The following AEBP1 variants were observed in gnomAD, a reference collection of about 807,000 sequenced individuals.
AEBP1 encodes the protein adipocyte enhancer-binding protein 1.
AEBP1 carries 69 observed loss-of-function variants against 116.5 expected under a neutral mutation model. That is an observed-to-expected ratio of 0.59 (90% CI 0.49 to 0.72). The LOEUF is 0.72. Among genes scored for constraint, AEBP1 ranks in the 30% least tolerant of loss-of-function variants. AEBP1 has a pLI of 0.00. For synonymous variants in AEBP1, 627 were observed against 627.3 expected (o/e 1.00, Z 0.01); for missense variants, 1,444 against 1,557.5 (o/e 0.93, Z 1.23).
In AEBP1 at chr7:44,108,898, G is replaced by A; in HGVS notation, c.941-1G>A. ...CCTCAGCTGGCTCTCCCTCCCCATA[G>A]TGGACTATTACTTTGGGCCTCCTCC... On this transcript the variant is annotated splice_acceptor_variant, in intron 6 of 20. Coordinates refer to ENST00000223357, the MANE Select transcript of AEBP1 (RefSeq NM_001129.5). LOFTEE classifies it high-confidence loss of function. The surrounding 1 kb of genome is among the most constrained non-coding windows in gnomAD (Gnocchi z 5.0). The A allele has an allele frequency of 6.3e-7, 1 of 1,575,646 alleles. No homozygotes were observed. The highest frequency in any genetic ancestry group is 8.6e-7 in the Non-Finnish European group (1 of 1,161,500).
In AEBP1 at chr7:44,112,985, G is replaced by C; in HGVS notation, c.2570-6G>C. ...TGACTTTGGGTCTGTATCTGTCCCC[G>C]GCCAGCTATCAATGACTTCAGTTAC... On this transcript the variant is annotated splice_polypyrimidine_tract_variant and splice_region_variant and intron_variant, in intron 18 of 20. Transcript: ENST00000223357. The surrounding 1 kb of genome is among the most constrained non-coding windows in gnomAD (Gnocchi z 6.6). 1.2e-6 allele frequency: 2 copies of C among 1,613,956 alleles called. No individual in the cohort carries two copies. Among genetic ancestry groups the C allele is most frequent in the Non-Finnish European group, 1.7e-6 (2 of 1,179,958 alleles).
Position 44,112,689 on chromosome 7 carries a change from G to A in AEBP1, c.2349G>A (p.Gln783=). The A allele has an allele frequency of 6.2e-7, 1 of 1,613,252 alleles. No homozygotes were observed. The change falls in exon 18 of 21, where the codon CAG becomes CAA. Residue 783 remains glutamine (Q), a synonymous_variant. Coordinates refer to ENST00000223357, the MANE Select transcript of AEBP1 (RefSeq NM_001129.5). The surrounding 1 kb of genome is among the most constrained non-coding windows in gnomAD (Gnocchi z 6.6). ...TGGCCCGCACGCCTACCCAGGAGCA[G>A]CTGCTGGCCGCAGCCATGGCAGCAG... ...YDMARTPTQE[Q]LLAAAMAAAR... is the part of the protein sequence containing the mutation.
At chr7:44,110,444 C>T in intron 11 of AEBP1, 98 bp downstream of exon 11, 1 of 1,555,514 alleles carries the variant, frequency 6.4e-7, no homozygotes. Flanking sequence ...CCTTCTTTGG[C>T]CCAGCCAAAG....
chr7:44,107,507 C>T lies in AEBP1; in HGVS notation c.664C>T (p.Pro222Ser). 6.2e-7 allele frequency: 1 copy of T among 1,613,490 alleles called. No homozygotes were observed. The highest frequency in any genetic ancestry group is 1.3e-5 in the African/African-American group (1 of 75,042). ...ETHVEAREHQ[P>S]EPEEETEQPT... The stretch of plus-strand genomic sequence containing the variant: ...CCATGTGGAGGCACGGGAGCACCAG[C>T]CTGGTGAGTGGCCGTCATCCGCCTG... The change falls in exon 3 of 21, where the codon CCT (proline) becomes TCT (serine). Residue 222 changes from proline (P) to serine (S), a missense_variant. Physicochemically the swap from Pro to Ser is moderately conservative, Grantham distance 74 (BLOSUM62 -1). Transcript: ENST00000223357. The surrounding 1 kb of genome is among the most constrained non-coding windows in gnomAD (Gnocchi z 4.3).
chr7:44,109,428 C>T, intron 9 of AEBP1, 87 bp downstream of exon 9: 1 of 1,373,130 alleles, frequency 7.3e-7, no homozygotes, highest in Non-Finnish European at 9.7e-7. Context: ...ACAAACAGGA[C>T]CCAGGTCCCC....
chr7:44,111,913 C>T lies in AEBP1; in HGVS notation c.1900C>T (p.Leu634=). 1 of 1,613,814 alleles carries T rather than the reference C, an allele frequency of 6.2e-7. No individual in the cohort carries two copies. The highest frequency in any genetic ancestry group is 8.5e-7 in the Non-Finnish European group (1 of 1,180,030). ...TGGCAACGAGGTGCTGGGCCGAGAGCTGTTGCTGCTGCTCATGCAGTACCT... is the reference window on the plus strand; with the variant it reads ...TGGCAACGAGGTGCTGGGCCGAGAGTTGTTGCTGCTGCTCATGCAGTACCT... ...IHGNEVLGRE[L]LLLLMQYLCR... is the part of the protein sequence containing the mutation. The change falls in exon 16 of 21, where the codon CTG becomes TTG. Residue 634 remains leucine, a synonymous_variant. Coordinates refer to ENST00000223357, the MANE Select transcript of AEBP1 (RefSeq NM_001129.5). This position sits in a 1 kb window ranked among gnomAD's most constrained non-coding sequence, Gnocchi z 4.7.
At position 44,112,028 on chromosome 7, in the gene AEBP1, G is replaced by T; in HGVS notation, c.2015G>T (p.Gly672Val). Residue 672 changes from glycine to valine, a missense_variant, in exon 16 of 21, where the codon GGC becomes GTC. Transcript: ENST00000223357. The surrounding 1 kb of genome is among the most constrained non-coding windows in gnomAD (Gnocchi z 6.6). ...IHLVPSLNPD[G>V]YEVAAQMGSE... ...CTGGTGCCCTCACTGAACCCTGATG[G>T]CTACGAGGTGGCAGCGCAGATGGTG... is the stretch of plus-strand genomic sequence containing the variant. 1 of 1,613,350 alleles carries T rather than the reference G, an allele frequency of 6.2e-7. No individual in the cohort carries two copies.
chr7:44,106,676 C>G lies in AEBP1; in HGVS notation c.384C>G (p.Thr128=), dbSNP rs200224104. 2.1e-4 allele frequency: 341 copies of G among 1,612,688 alleles called. 2 individuals are homozygous for G. In the East Asian group the frequency reaches 6.3e-3, roughly 30 times the overall value. The change falls in exon 2 of 21, where the codon ACC becomes ACG. Residue 128 remains threonine, a synonymous_variant. Coordinates refer to ENST00000223357, the MANE Select transcript of AEBP1 (RefSeq NM_001129.5). ...GGAAGGAGAAGCCACCCAAGGCCAC[C>G]AAGAAGCCCAAGGAGAAGCCACCTA... The part of the protein sequence containing the change: ...KKGKEKPPKA[T]KKPKEKPPKA...
In AEBP1 at chr7:44,111,933, G is replaced by C. The variant is rs963970151; in HGVS notation, c.1920G>C (p.Gln640His). ...GAGAGCTGTTGCTGCTGCTCATGCA[G>C]TACCTGTGCCGAGAGTACCGCGATG... ...LGRELLLLLM[Q>H]YLCREYRDGN... Residue 640 changes from glutamine to histidine, a missense_variant, in exon 16 of 21, where the codon CAG becomes CAC. Transcript: ENST00000223357. This position sits in a 1 kb window ranked among gnomAD's most constrained non-coding sequence, Gnocchi z 4.7. 6 of 1,613,750 alleles carry C rather than the reference G, an allele frequency of 3.7e-6. No individual in the cohort carries two copies. Among genetic ancestry groups the C allele is most frequent in the Non-Finnish European group, 5.1e-6 (6 of 1,180,032 alleles).
In AEBP1 at chr7:44,110,049, T is replaced by C. The variant is rs929035163; in HGVS notation, c.1185T>C (p.Ile395=). 5 of 1,612,942 alleles carry C rather than the reference T, an allele frequency of 3.1e-6. No individual in the cohort carries two copies. The highest frequency in any genetic ancestry group is 1.1e-5 in the South Asian group (1 of 91,084). The change falls in exon 10 of 21, where the codon ATT becomes ATC. Residue 395 remains isoleucine (I), a synonymous_variant. Coordinates refer to ENST00000223357, the MANE Select transcript of AEBP1 (RefSeq NM_001129.5). ...CPPIGMESHR[I]EDNQIRASSM... Reference sequence around the variant, plus strand: ...CCATTGGGATGGAGTCACACCGTATTGAGGACAACCAGATCCGAGCCTCCT... The same window carrying C: ...CCATTGGGATGGAGTCACACCGTATCGAGGACAACCAGATCCGAGCCTCCT...
Position 44,107,847 on chromosome 7 carries a change from C to G in AEBP1, c.778C>G (p.Pro260Ala), listed in dbSNP as rs867536357. The change falls in exon 5 of 21, where the codon CCA (proline) becomes GCA (alanine). Residue 260 changes from proline to alanine, a missense_variant. Transcript: ENST00000223357. This position sits in a 1 kb window ranked among gnomAD's most constrained non-coding sequence, Gnocchi z 4.3. The part of the protein sequence containing the change: ...IRRQKQPRPP[P>A]SRRRRPERVW... ...GCGCCAGAAGCAACCCAGGCCACCCCCAAGCAGAAGGAGGAGGCCCGAGCG... is the reference window on the plus strand; with the variant it reads ...GCGCCAGAAGCAACCCAGGCCACCCGCAAGCAGAAGGAGGAGGCCCGAGCG... The G allele has an allele frequency of 6.8e-6, 11 of 1,611,098 alleles. No individual in the cohort carries two copies. The highest frequency in any genetic ancestry group is 9.3e-6 in the Non-Finnish European group (11 of 1,179,330).
Position 44,113,115 on chromosome 7 carries a change from C to T in AEBP1, c.2694C>T (p.Leu898=). The change falls in exon 19 of 21, where the codon CTC becomes CTT. Residue 898 remains leucine, a synonymous_variant. Transcript: ENST00000223357. The surrounding 1 kb of genome is among the most constrained non-coding windows in gnomAD (Gnocchi z 5.3). Reference sequence around the variant, plus strand: ...GGGAGAACAACAAGGAGGCGCTGCTCACCTTCATGGAGCAGGTGGGGTGGC... The same window carrying T: ...GGGAGAACAACAAGGAGGCGCTGCTTACCTTCATGGAGCAGGTGGGGTGGC... The part of the protein sequence containing the change: ...REWENNKEAL[L]TFMEQVHRGI... 1 of 1,613,998 alleles carries T rather than the reference C, an allele frequency of 6.2e-7. No individual in the cohort carries two copies.
Position 44,110,047 on chromosome 7 carries a change from A to T in AEBP1, c.1183A>T (p.Ile395Phe). 1 of 1,612,962 alleles carries T rather than the reference A, an allele frequency of 6.2e-7. No homozygotes were observed. The highest frequency in any genetic ancestry group is 8.5e-7 in the Non-Finnish European group (1 of 1,179,978). The change falls in exon 10 of 21, where the codon ATT (isoleucine) becomes TTT (phenylalanine). Residue 395 changes from isoleucine (I) to phenylalanine (F), a missense_variant. Transcript: ENST00000223357. ...CPPIGMESHR[I>F]EDNQIRASSM... ...CCCCATTGGGATGGAGTCACACCGT[A>T]TTGAGGACAACCAGATCCGAGCCTC...
Position 44,104,878 on chromosome 7 carries a change from G to C in AEBP1, c.213G>C (p.Ala71=), listed in dbSNP as rs777461260. Residue 71 remains alanine, a synonymous_variant, in exon 1 of 21, where the codon GCG becomes GCC. Coordinates refer to ENST00000223357, the MANE Select transcript of AEBP1 (RefSeq NM_001129.5). ...EPTPRVRKAQ[A]GGKPGKRPGT... Reference sequence around the variant, plus strand: ...CCCCGCGGGTCCGAAAAGCCCAGGCGGGGGGCAAGCCAGGGAAGCGGCCAG... The same window carrying C: ...CCCCGCGGGTCCGAAAAGCCCAGGCCGGGGGCAAGCCAGGGAAGCGGCCAG... 5.1e-6 allele frequency: 8 copies of C among 1,560,314 alleles called. No homozygotes were observed. The highest frequency in any genetic ancestry group is 1.9e-5 in the Admixed American group (1 of 52,258).
At chr7:44,109,985 G>A (rs746599835) in intron 9 of AEBP1, 30 bp from the exon 10 acceptor site, 5 of 1,591,516 alleles carry the variant, frequency 3.1e-6, no homozygotes, top group Non-Finnish European at 4.3e-6. Context: ...TGGAGCTAGT[G>A]AGCCACCATT....
Position 44,110,774 on chromosome 7 carries a change from A to C in AEBP1, c.1450A>C (p.Thr484Pro). The change falls in exon 12 of 21, where the codon ACA becomes CCA. Residue 484 changes from threonine to proline, a missense_variant. Thr to Pro is a conservative substitution (Grantham distance 38). Transcript: ENST00000223357. The part of the protein sequence containing the change: ...FFVGFSNDSQ[T>P]WVMYTNGYEE... ...CGTGGGCTTCAGCAATGACAGCCAG[A>C]CATGGGTGATGTACACCAACGGCTA... 6.5e-7 allele frequency: 1 copy of C among 1,535,148 alleles called. No individual in the cohort carries two copies. The highest frequency in any genetic ancestry group is 8.8e-7 in the Non-Finnish European group (1 of 1,140,898).
chr7:44,109,720 C>T, intron 9 of AEBP1: 1 of 568,638 alleles, frequency 1.8e-6, no homozygotes, highest in South Asian at 2.1e-5. Context: ...GGAGCTCTAC[C>T]TGTGATTTCA....
chr7:44,104,947 G>C (rs753935573), intron 1 of AEBP1, 29 bp downstream of exon 1: 117 of 1,497,096 alleles, frequency 7.8e-5, no homozygotes, highest in Non-Finnish European at 7.6e-5. Flanking sequence ...GCGGGGGTGT[G>C]GGGGGCTGGC....
In AEBP1 at chr7:44,106,742, C is replaced by A. The variant is rs2128808056; in HGVS notation, c.450C>A (p.Thr150=). 2 of 1,612,866 alleles carry A rather than the reference C, an allele frequency of 1.2e-6. No homozygotes were observed. The change falls in exon 2 of 21, where the codon ACC becomes ACA. Residue 150 remains threonine, a synonymous_variant. Transcript: ENST00000223357. The part of the protein sequence containing the change: ...KKPKEKPPKA[T]KKPKEKPPKA... ...CCAAGGAGAAGCCACCCAAGGCCAC[C>A]AAGAAGCCCAAAGAGAAGCCACCCA...
Sources: gnomAD v4.1 joint callset for allele counts on GRCh38, gnomAD v4.1.1 for gene constraint, Gnocchi (gnomAD v3.1) non-coding constraint, MANE v1.5 for transcripts, NCBI Gene and HGNC (gene_info 2026-07-23, HGNC 2026-07-21) for gene names.